FAM53B: variants seen among roughly 807,000 people sequenced by gnomAD.
The protein encoded by FAM53B is protein FAM53B.
A neutral mutation model predicts 32.7 loss-of-function variants in FAM53B; 12 were observed. The observed-to-expected ratio is 0.37, with a 90% CI of 0.24 to 0.59. The LOEUF (loss-of-function observed/expected upper bound fraction) is 0.59. Ranked by LOEUF, FAM53B falls within the 20% of genes least tolerant of loss-of-function variation. The pLI is 0.72. For synonymous variants in FAM53B, 234 were observed against 228.7 expected (o/e 1.02, Z -0.21); for missense variants, 477 against 577.7 (o/e 0.83, Z 1.79).
chr10:124,700,046 G>A (rs1394262635), intron 2 of FAM53B, among the ~76,000 whole-genome samples: 1 of 152,176 alleles, frequency 6.6e-6, no homozygotes, highest in Non-Finnish European at 1.5e-5. Context: ...ACCAGATCAC[G>A]GCCCATCTTG....
At chr10:124,649,947 G>A (rs1042580044) in intron 4 of FAM53B, among the ~76,000 whole-genome samples, 6 of 152,140 alleles carry the variant, frequency 3.9e-5, no homozygotes, top group South Asian at 2.1e-4. Flanking sequence ...AGAACTCTGC[G>A]GCCCAGGGCA....
At chr10:124,645,221 T>A (rs1427863323) in intron 4 of FAM53B, among the ~76,000 whole-genome samples, 5 of 152,228 alleles carry the variant, frequency 3.3e-5, no homozygotes, top group Non-Finnish European at 7.3e-5. Flanking sequence ...TCACCGCCAT[T>A]CTGTGGTAAG....
rs150699895 is a variant in FAM53B at position 124,701,082 on chromosome 10, T to C, written c.79-4870A>G. 1.4e-4 allele frequency among the ~76,000 whole-genome samples: 21 copies of C among 152,328 alleles called. No homozygotes were observed. The East Asian group carries it at 3.7e-3, about 27-fold the overall frequency. ...GCCAAAGCATGGGCAGGCCCCTTGG[T>C]ATCTCTGCCTGCCCAGGGTGAAAGG... On this transcript the variant is annotated intron_variant, in intron 2 of 4. Coordinates refer to ENST00000337318, the MANE Select transcript of FAM53B (RefSeq NM_014661.4).
chr10:124,714,776 A>AAG (rs1554910412), intron 1 of FAM53B, among the ~76,000 whole-genome samples: 1 of 151,420 alleles, frequency 6.6e-6, no homozygotes, highest in Non-Finnish European at 1.5e-5. Flanking sequence ...AAAAAAAAAA[A>AAG]AAAGAAAACC....
In FAM53B at chr10:124,682,429, C is replaced by T. The variant is rs201646349; in HGVS notation, c.134-50G>A. 9.1e-5 allele frequency: 136 copies of T among 1,500,028 alleles called. No individual in the cohort carries two copies. The East Asian group carries it at 3.1e-3, about 34-fold the overall frequency. The allele number at this position is 1,500,028 out of a possible 1,614,324, so 92.9% of individuals were successfully genotyped here. ...AACAGGATTTGAGAAGACCTTCACT[C>T]CAGCCCTTTATTATCTCCACACCAA... is the stretch of plus-strand genomic sequence containing the variant. On this transcript the variant is annotated intron_variant, in intron 3 of 4. Coordinates refer to ENST00000337318, the MANE Select transcript of FAM53B (RefSeq NM_014661.4). The surrounding 1 kb of genome is among the most constrained non-coding windows in gnomAD (Gnocchi z 5.2).
intron 1 of FAM53B, among the ~76,000 whole-genome samples, chr10:124,732,550 C>T (rs1950150721): frequency 6.6e-6 from 1 of 152,202 alleles, no homozygotes; most frequent in Non-Finnish European, 1.5e-5. Flanking sequence ...ACCTGAACCT[C>T]ACACATGCTT....
chr10:124,737,407 G>A (rs1437425725), intron 1 of FAM53B, among the ~76,000 whole-genome samples: 1 of 152,148 alleles, frequency 6.6e-6, no homozygotes, highest in Non-Finnish European at 1.5e-5. Flanking sequence ...CGGGGGATGG[G>A]TAGCATGTTT....
chr10:124,634,279 C>T (rs974886070), intron 4 of FAM53B, among the ~76,000 whole-genome samples: 8 of 152,276 alleles, frequency 5.3e-5, no homozygotes, highest in Middle Eastern at 3.4e-3. Context: ...GAAAGCATGA[C>T]GCTAAGTGAA....
In FAM53B at chr10:124,643,053, T is replaced by C. The variant is rs547792620; in HGVS notation, c.907-19449A>G. On this transcript the variant is annotated intron_variant, in intron 4 of 4. Coordinates refer to ENST00000337318, the MANE Select transcript of FAM53B (RefSeq NM_014661.4). ...CTTTTTTCTCACTGTTAGCTTGAGA[T>C]GATCTTAAAGAAAGAAAAGAAAGAG... 3.3e-5 allele frequency among the ~76,000 whole-genome samples: 5 copies of C among 152,294 alleles called. No homozygotes were observed. The East Asian group carries it at 5.8e-4, about 18-fold the overall frequency.
At chr10:124,701,577 C>T (rs571776375) in intron 2 of FAM53B, among the ~76,000 whole-genome samples, 5 of 152,294 alleles carry the variant, frequency 3.3e-5, no homozygotes, top group East Asian at 3.9e-4. Flanking sequence ...TGTGGGCGTG[C>T]GGGAAGGAGC....
At chr10:124,642,643 C>T (rs1197962847) in intron 4 of FAM53B, among the ~76,000 whole-genome samples, 1 of 152,186 alleles carries the variant, frequency 6.6e-6, no homozygotes, top group African/African-American at 2.4e-5. Context: ...TCAGGATCCC[C>T]GAGACACAGG....
At chr10:124,729,778 C>A (rs2134100757) in intron 1 of FAM53B, among the ~76,000 whole-genome samples, 1 of 152,340 alleles carries the variant, frequency 6.6e-6, no homozygotes, top group African/African-American at 2.4e-5. Context: ...TCTCCACACT[C>A]AGAGTCTATC....
rs1452501102 is a variant in FAM53B, at chr10:124,621,501, T to C, written c.*1741A>G. The C allele has an allele frequency of 6.6e-6, 1 of 152,154 alleles. No homozygotes were observed. The highest frequency in any genetic ancestry group is 2.4e-5 in the African/African-American group (1 of 41,432). The allele number at this position is 152,154 out of a possible 1,614,324, so 9.4% of individuals were successfully genotyped here. ...TCTGGGACCTGCCCAGTGCCCGGCATACCCCATGTGTCAGCCACCTGAGCT... is the reference window on the plus strand; with the variant it reads ...TCTGGGACCTGCCCAGTGCCCGGCACACCCCATGTGTCAGCCACCTGAGCT... On this transcript the variant is annotated 3_prime_UTR_variant, in exon 5 of 5. Coordinates refer to ENST00000337318, the MANE Select transcript of FAM53B (RefSeq NM_014661.4).
intron 4 of FAM53B, among the ~76,000 whole-genome samples, chr10:124,647,640 G>C (rs1373612008): frequency 6.6e-6 from 1 of 152,228 alleles, no homozygotes; most frequent in Non-Finnish European, 1.5e-5. Flanking sequence ...GTCACAGCTA[G>C]GAAGCAGCAG....
intron 1 of FAM53B, among the ~76,000 whole-genome samples, chr10:124,718,522 C>A (rs1284813279): frequency 6.6e-6 from 1 of 152,224 alleles, no homozygotes; most frequent in Non-Finnish European, 1.5e-5. Flanking sequence ...GACAAGTATA[C>A]CCGAGCTCTG....
At chr10:124,735,823 TG>T (rs1213842256) in intron 1 of FAM53B, among the ~76,000 whole-genome samples, 20 of 152,226 alleles carry the variant, frequency 1.3e-4, no homozygotes, top group Non-Finnish European at 2.4e-4. Context: ...GAAGAAGGAA[TG>T]GGGGCCAGAG....
At chr10:124,636,038 GTTGTT>G in intron 4 of FAM53B, among the ~76,000 whole-genome samples, 2 of 152,340 alleles carry the variant, frequency 1.3e-5, no homozygotes, top group South Asian at 4.1e-4. Context: ...TACTCTGTAT[GTTGTT>G]TTAATTTTCG....
intron 4 of FAM53B, chr10:124,671,093 G>A (rs760653172): frequency 4.5e-6 from 2 of 442,080 alleles, no homozygotes; most frequent in Admixed American, 4.7e-5. Flanking sequence ...GGGGGACAGA[G>A]GCAGCCGTAC....
Position 124,696,205 on chromosome 10 carries a change from G to A in FAM53B, c.86C>T (p.Pro29Leu). ...TGTAGGTCCTTGACTCATCTTCTTT[G>A]GCGTGTGCTGAAAACAACCAGAAAA... ...CGTFSRELHT[P>L]KKMSQGPTLF... The change falls in exon 3 of 5, where the codon CCA becomes CTA. Residue 29 changes from proline (P) to leucine (L), a missense_variant. Physicochemically the swap from Pro to Leu is moderately conservative, Grantham distance 98. This residue lies in a region of FAM53B where 312 missense variants were observed against 420.2 expected (regional missense o/e 0.74). Transcript: ENST00000337318. 1 of 1,613,740 alleles carries A rather than the reference G, an allele frequency of 6.2e-7. No homozygotes were observed. Among genetic ancestry groups the A allele is most frequent in the South Asian group, 1.1e-5 (1 of 91,050 alleles).
Sources: allele counts gnomAD v4.1 joint callset (sites outside exome capture counted in the v4.1 genomes callset), GRCh38; gene constraint gnomAD v4.1.1; regional missense constraint gnomAD v4.1.1; non-coding constraint Gnocchi (gnomAD v3.1); transcripts MANE v1.5; gene names NCBI Gene and HGNC (gene_info 2026-07-23, HGNC 2026-07-21).